Variants in RELT observed in about 807,000 individuals in gnomAD.
The protein encoded by RELT is tumor necrosis factor receptor superfamily member 19L.
RELT carries 37 observed loss-of-function variants against 51.1 expected under a neutral mutation model. The observed-to-expected ratio is 0.72, with a 90% confidence interval of 0.56 to 0.95. The LOEUF is 0.95. Ranked by LOEUF, RELT falls within the 40% of genes least tolerant of loss-of-function variation. The pLI is 0.00. For missense variants in RELT, 535 were observed against 572.6 expected, an observed-to-expected ratio of 0.93 and a Z score of 0.67; for synonymous variants, 241 against 235.7, an observed-to-expected ratio of 1.02 and a Z score of -0.21.
chr11:73,392,686 T>G, intron 6 of RELT: 1 of 1,430,244 alleles, frequency 7.0e-7, no homozygotes, highest in Non-Finnish European at 9.1e-7. Flanking sequence ...GTCAAGTGGC[T>G]TCAGTGGATC....
At chr11:73,391,058 G>A in intron 4 of RELT, 86 bp from the exon 5 acceptor site, 1 of 1,527,584 alleles carries the variant, frequency 6.5e-7, no homozygotes, top group Non-Finnish European at 9.0e-7. Context: ...ACCACGGAGG[G>A]TGCCTGGTAG....
intron 1 of RELT, among the ~76,000 whole-genome samples, chr11:73,377,269 A>AGTGTGTGTGTGTGTGT (rs369117500): frequency 0.018 from 2,589 of 146,124 alleles, 52 homozygotes; most frequent in South Asian, 0.037. Context: ...AAGTGGTGTC[A>AGTGTGTGTGTGTGTGT]GTGTGTGTGT....
At chr11:73,387,578 C>T (rs1163389069) in intron 1 of RELT, among the ~76,000 whole-genome samples, 2 of 152,234 alleles carry the variant, frequency 1.3e-5, no homozygotes, top group African/African-American at 2.4e-5. Flanking sequence ...CTGTCCCTGG[C>T]TTTCCCCTGA....
intron 1 of RELT, among the ~76,000 whole-genome samples, chr11:73,379,108 G>C (rs1866011563): frequency 6.6e-6 from 1 of 152,170 alleles, no homozygotes; most frequent in African/African-American, 2.4e-5. Context: ...TGGAACTGGG[G>C]ATCAGGGTGT....
Position 73,397,213 on chromosome 11 carries a change from C to T in RELT, c.*1722C>T, listed in dbSNP as rs1168911243. 6.6e-6 allele frequency: 1 copy of T among 152,284 alleles called. No homozygotes were observed. The highest frequency in any genetic ancestry group is 1.9e-4 in the East Asian group (1 of 5,192). The allele number at this position is 152,284 out of a possible 1,614,324, so 9.4% of individuals were successfully genotyped here. On this transcript the variant is annotated 3_prime_UTR_variant, in exon 11 of 11. Coordinates refer to ENST00000064780, the MANE Select transcript of RELT (RefSeq NM_152222.2). The stretch of plus-strand genomic sequence containing the variant: ...AGGGAATGTGTTCCACAGAGAGGGA[C>T]AGCATGTGCAAAGGCTGAGCACCAA...
At position 73,395,616 on chromosome 11, in the gene RELT, A is replaced by C. The variant is rs1866306774; in HGVS notation, c.*125A>C. The C allele has an allele frequency of 1.4e-6, 1 of 740,004 alleles. No homozygotes were observed. The highest frequency in any genetic ancestry group is 2.5e-6 in the Non-Finnish European group (1 of 398,668). 45.8% of individuals were successfully genotyped at this position (740,004 alleles called of 1,614,324 possible). Reference sequence around the variant, plus strand: ...GCAATGGCCCAGCAGACGAGACAGCAAAGACCAAGGCCTGGAGGTGGGAGC... The same window carrying C: ...GCAATGGCCCAGCAGACGAGACAGCCAAGACCAAGGCCTGGAGGTGGGAGC... On this transcript the variant is annotated 3_prime_UTR_variant, in exon 11 of 11. Coordinates refer to ENST00000064780, the MANE Select transcript of RELT (RefSeq NM_152222.2).
At position 73,388,198 on chromosome 11, in the gene RELT, C is replaced by T. The variant is rs1866154331; in HGVS notation, c.-25-914C>T. Among the ~76,000 whole-genome samples the T allele has an allele frequency of 2.0e-5, 3 of 152,340 alleles. No individual in the cohort carries two copies. Among genetic ancestry groups the T allele is most frequent in the Admixed American group, 1.3e-4 (2 of 15,306 alleles). ...ACTGCACTCCCACTCTGCTTTATTT[C>T]GTTTCTTGGCACTTACCACCAAATG... is the stretch of plus-strand genomic sequence containing the variant. On this transcript the variant is annotated intron_variant, in intron 1 of 10. Coordinates refer to ENST00000064780, the MANE Select transcript of RELT (RefSeq NM_152222.2). This position sits in a 1 kb window ranked among gnomAD's most constrained non-coding sequence, Gnocchi z 4.1.
rs1248839332 is a variant in RELT at position 73,390,557 on chromosome 11, C to T, written c.52C>T (p.Pro18Ser). Reference protein sequence around the residue: ...RPLSCFLMLLPWPLATLTSTT... With the variant: ...RPLSCFLMLLSWPLATLTSTT... ...ATGCCTACTGTTCTTCTAGCTGCTGCCCTGGCCTCTCGCCACCCTGACATC... is the reference window on the plus strand; with the variant it reads ...ATGCCTACTGTTCTTCTAGCTGCTGTCCTGGCCTCTCGCCACCCTGACATC... Residue 18 changes from proline to serine, a missense_variant, in exon 3 of 11, where the codon CCC becomes TCC. Physicochemically the swap from Pro to Ser is moderately conservative, Grantham distance 74. Transcript: ENST00000064780. 2 of 1,614,014 alleles carry T rather than the reference C, an allele frequency of 1.2e-6. No individual in the cohort carries two copies. The highest frequency in any genetic ancestry group is 1.7e-6 in the Non-Finnish European group (2 of 1,179,930).
chr11:73,394,239 A>G lies in RELT; in HGVS notation c.710A>G (p.Asn237Ser), dbSNP rs1866268164. The G allele has an allele frequency of 6.2e-7, 1 of 1,604,224 alleles. No individual in the cohort carries two copies. Among genetic ancestry groups the G allele is most frequent in the Admixed American group, 1.7e-5 (1 of 58,258 alleles). ...GTCTGACTGCAGCTACCCACAGAGA[A>G]TGCTGCGGCCCTGGAGGAGCTGCTG... Reference protein sequence around the residue: ...LVRLITEKKENAAALEELLKE... With the variant: ...LVRLITEKKESAAALEELLKE... The change falls in exon 8 of 11, where the codon AAT becomes AGT. Residue 237 changes from asparagine to serine, a missense_variant. Transcript: ENST00000064780. This position sits in a 1 kb window ranked among gnomAD's most constrained non-coding sequence, Gnocchi z 4.9.
intron 1 of RELT, among the ~76,000 whole-genome samples, chr11:73,385,173 C>T (rs775767904): frequency 2.6e-5 from 4 of 152,196 alleles, no homozygotes; most frequent in Admixed American, 2.0e-4. Flanking sequence ...TGGGCGCAGG[C>T]CTTGGGAGAG....
intron 1 of RELT, among the ~76,000 whole-genome samples, chr11:73,384,794 TG>T (rs1490646140): frequency 2.0e-5 from 3 of 152,164 alleles, no homozygotes; most frequent in Non-Finnish European, 4.4e-5. Context: ...GCACTGGGCA[TG>T]GAGCAGGCAG....
intron 2 of RELT, among the ~76,000 whole-genome samples, chr11:73,390,034 G>A (rs1325094115): frequency 2.0e-5 from 3 of 152,170 alleles, no homozygotes; most frequent in Non-Finnish European, 4.4e-5. Context: ...GGGTAGCCTC[G>A]CCTTGAGGGA....
intron 1 of RELT, among the ~76,000 whole-genome samples, chr11:73,377,169 C>T: frequency 6.6e-6 from 1 of 151,990 alleles, no homozygotes; most frequent in East Asian, 1.9e-4. Flanking sequence ...CCAGGGCCAC[C>T]CGTTACTGTG....
intron 1 of RELT, among the ~76,000 whole-genome samples, chr11:73,384,102 C>G (rs1380861389): frequency 2.0e-5 from 3 of 152,132 alleles, no homozygotes; most frequent in African/African-American, 4.8e-5. Context: ...CAGGTGGGCA[C>G]CAGCCCCCAC....
chr11:73,383,679 G>A (rs1360388139), intron 1 of RELT, among the ~76,000 whole-genome samples: 3 of 152,210 alleles, frequency 2.0e-5, no homozygotes, highest in African/African-American at 7.2e-5. Flanking sequence ...ATCTCTTACT[G>A]GCTGTGTGAC....
chr11:73,392,813 C>T, intron 6 of RELT: 1 of 1,207,104 alleles, frequency 8.3e-7, no homozygotes, highest in Non-Finnish European at 1.0e-6. Context: ...TGACCTCTGA[C>T]CTCTGGCCTG....
intron 1 of RELT, among the ~76,000 whole-genome samples, chr11:73,385,126 C>T (rs1157589228): frequency 6.6e-6 from 1 of 152,010 alleles, no homozygotes; most frequent in Non-Finnish European, 1.5e-5. Flanking sequence ...GCGGGACTGA[C>T]CTGGAGGCCA....
intron 6 of RELT, 133 bp downstream of exon 6, chr11:73,392,601 C>A: frequency 7.1e-7 from 1 of 1,410,020 alleles, no homozygotes; most frequent in Non-Finnish European, 9.5e-7. Flanking sequence ...GTGATAGCTG[C>A]AGACTGACAA....
chr11:73,383,738 GAATGCTC>G (rs1424123956), intron 1 of RELT, among the ~76,000 whole-genome samples: 1 of 152,222 alleles, frequency 6.6e-6, no homozygotes, highest in Non-Finnish European at 1.5e-5. Flanking sequence ...TGTGAAACAG[GAATGCTC>G]ACTTCTCCTG....
Sources: gnomAD v4.1 joint callset for allele counts (sites outside exome capture counted in the v4.1 genomes callset) on GRCh38, gnomAD v4.1.1 for gene constraint, Gnocchi (gnomAD v3.1) non-coding constraint, MANE v1.5 for transcripts, NCBI Gene and HGNC (gene_info 2026-07-23, HGNC 2026-07-21) for gene names.